AMN1: variants seen among roughly 807,000 people sequenced by gnomAD.
AMN1 encodes protein AMN1 homolog.
Under a neutral mutation model 33.0 loss-of-function variants are expected in AMN1, and 20 were observed. The ratio of observed to expected loss-of-function variants is 0.61; its 90% CI spans 0.43 to 0.88. The LOEUF is 0.88. Among genes scored for constraint, AMN1 ranks in the 40% least tolerant of loss-of-function variants. The pLI, the probability that AMN1 is intolerant of heterozygous loss-of-function variation, is 0.00. For missense variants in AMN1, 246 were observed against 307.4 expected (o/e 0.80, Z 1.49); for synonymous variants, 114 against 111.9 (o/e 1.02, Z -0.12).
intron 1 of AMN1, among the ~76,000 whole-genome samples, chr12:31,723,422 T>C (rs932474124): frequency 6.6e-6 from 1 of 151,878 alleles, no homozygotes; most frequent in Non-Finnish European, 1.5e-5. Flanking sequence ...ACCATTCTCC[T>C]GCCTCAGCCT....
At chr12:31,708,011 T>C (rs1019047975) in intron 2 of AMN1, among the ~76,000 whole-genome samples, 5 of 152,198 alleles carry the variant, frequency 3.3e-5, no homozygotes, top group Admixed American at 2.0e-4. Context: ...ACTGTGATGA[T>C]TGCATTAACT....
chr12:31,715,549 C>A, intron 1 of AMN1: 1 of 164,068 alleles, frequency 6.1e-6, no homozygotes, highest in Non-Finnish European at 1.4e-5. Flanking sequence ...CTTCTTTCTC[C>A]TGCTCTCATT....
intron 3 of AMN1, among the ~76,000 whole-genome samples, chr12:31,698,239 C>T (rs767503966): frequency 6.6e-6 from 1 of 152,208 alleles, no homozygotes; most frequent in Non-Finnish European, 1.5e-5. Context: ...AAAAGTCATT[C>T]AGAACCCAAT....
intron 3 of AMN1, among the ~76,000 whole-genome samples, chr12:31,699,748 T>G (rs1938908718): frequency 6.6e-6 from 1 of 152,224 alleles, no homozygotes; most frequent in African/African-American, 2.4e-5. Flanking sequence ...GTCAGTCATA[T>G]GTACCAGAGG....
chr12:31,685,235 G>T (rs1337591032), intron 6 of AMN1, among the ~76,000 whole-genome samples: 1 of 151,702 alleles, frequency 6.6e-6, no homozygotes, highest in East Asian at 2.0e-4. Flanking sequence ...CACCATGTTG[G>T]CCAGGTTGGT....
chr12:31,705,445 C>G (rs1939190225), intron 2 of AMN1, among the ~76,000 whole-genome samples: 2 of 151,974 alleles, frequency 1.3e-5, no homozygotes, highest in Admixed American at 1.3e-4. Flanking sequence ...CTGCAGTGAG[C>G]CATGATTATG....
chr12:31,718,953 C>T (rs1034799048), intron 1 of AMN1, among the ~76,000 whole-genome samples: 4 of 152,270 alleles, frequency 2.6e-5, no homozygotes, highest in African/African-American at 9.6e-5. Context: ...CAGACTGCTG[C>T]GCTAGCAGCG....
chr12:31,728,848 G>A (rs1228152518), intron 1 of AMN1, 123 bp downstream of exon 1: 5 of 1,124,534 alleles, frequency 4.4e-6, no homozygotes, highest in East Asian at 2.8e-5. Flanking sequence ...AACACACGCG[G>A]GGCCTCTTCA....
At chr12:31,685,156 G>A (rs1409383567) in intron 6 of AMN1, among the ~76,000 whole-genome samples, 1 of 151,184 alleles carries the variant, frequency 6.6e-6, no homozygotes, top group Non-Finnish European at 1.5e-5. Context: ...AGCCTCCCAA[G>A]TAGCTGGGAT....
intron 6 of AMN1, among the ~76,000 whole-genome samples, chr12:31,688,557 T>C (rs904916669): frequency 6.6e-6 from 1 of 152,084 alleles, no homozygotes; most frequent in African/African-American, 2.4e-5. Context: ...TCTGTAATCC[T>C]AGCACTTTGG....
chr12:31,688,504 C>T (rs1207066168), intron 6 of AMN1, among the ~76,000 whole-genome samples: 1 of 152,122 alleles, frequency 6.6e-6, no homozygotes, highest in East Asian at 1.9e-4. Context: ...TGTGCAAGGC[C>T]ACCACATAAG....
At chr12:31,709,453 C>T (rs756222294) in intron 1 of AMN1, 28 bp from the exon 2 acceptor site, 1 of 1,589,076 alleles carries the variant, frequency 6.3e-7, no homozygotes, top group East Asian at 2.3e-5. Flanking sequence ...TATAGTAAAT[C>T]ACACTGGGCC....
intron 5 of AMN1, among the ~76,000 whole-genome samples, chr12:31,696,942 T>A (rs1005306753): frequency 6.6e-6 from 1 of 151,946 alleles, no homozygotes; most frequent in African/African-American, 2.4e-5. Flanking sequence ...AAAACTTTTT[T>A]AAATGATCGT....
chr12:31,729,051 A>G, upstream of AMN1: 1 of 1,507,032 alleles, frequency 6.6e-7, no homozygotes, highest in Non-Finnish European at 9.0e-7. Context: ...CAGGGCCTCC[A>G]GAACCCAGCC....
chr12:31,696,232 G>A (rs1032245786), intron 5 of AMN1, among the ~76,000 whole-genome samples: 4 of 151,158 alleles, frequency 2.6e-5, no homozygotes, highest in African/African-American at 7.3e-5. Flanking sequence ...GCAAGACTCC[G>A]TCTCAAAATA....
At position 31,697,348 on chromosome 12, in the gene AMN1, GT is replaced by G. The variant is rs751678036; in HGVS notation, c.591+12del. 3.7e-6 allele frequency: 6 copies of G among 1,606,294 alleles called. No individual in the cohort carries two copies. The African/African-American group carries it at 6.7e-5, about 18-fold the overall frequency. ...TTTAATCACCACCATCTTTATAATT[GT>G]TTTAAAATTACCTCTAATTTCTTCG... On this transcript the variant is annotated intron_variant, in intron 5 of 6. Transcript: ENST00000281471.
chr12:31,672,418 A>G (rs1157868742), intron 6 of AMN1, 41 bp from the exon 7 acceptor site: 11 of 1,388,924 alleles, frequency 7.9e-6, no homozygotes, highest in Non-Finnish European at 1.1e-5. Flanking sequence ...TTGACAATAA[A>G]AAATGTTTAA....
At chr12:31,722,175 A>ACC (rs1939903128) in intron 1 of AMN1, among the ~76,000 whole-genome samples, 3 of 142,062 alleles carry the variant, frequency 2.1e-5, no homozygotes, top group African/African-American at 7.9e-5. Flanking sequence ...ACACACACAC[A>ACC]CCTGGGGCTA....
chr12:31,687,685 T>C lies in AMN1; in HGVS notation c.703+1322A>G, dbSNP rs7979577. On this transcript the variant is annotated intron_variant, in intron 6 of 6. Transcript: ENST00000281471. The surrounding 1 kb of genome is among the most constrained non-coding windows in gnomAD (Gnocchi z 4.1). Reference sequence around the variant, plus strand: ...GCGGGTGACAGAGCGAGATTCTGTCTCAAAAAAAAAAAAAAGAATAATTGG... The same window carrying C: ...GCGGGTGACAGAGCGAGATTCTGTCCCAAAAAAAAAAAAAAGAATAATTGG... Among the ~76,000 whole-genome samples, 23,772 of 140,800 alleles carry C rather than the reference T, an allele frequency of 0.17. 2,059 individuals carry two copies. The highest frequency in any genetic ancestry group is 0.24 in the Admixed American group (3,513 of 14,432). 92.4% of individuals were successfully genotyped at this position (140,800 alleles called of 152,430 possible).
Sources: allele counts gnomAD v4.1 joint callset (sites outside exome capture counted in the v4.1 genomes callset), GRCh38; gene constraint gnomAD v4.1.1; non-coding constraint Gnocchi (gnomAD v3.1); transcripts MANE v1.5; gene names NCBI Gene and HGNC (gene_info 2026-07-23, HGNC 2026-07-21).